The following PSG7 variants were observed in gnomAD, a reference collection of about 807,000 sequenced individuals.
PSG7 encodes the protein pregnancy-specific beta-1-glycoprotein 7.
Under a neutral mutation model 45.6 loss-of-function variants are expected in PSG7, and 57 were observed. That is an observed-to-expected ratio of 1.25 (90% CI 1.01 to 1.56). The LOEUF (loss-of-function observed/expected upper bound fraction) is 1.56. Ranked by LOEUF, PSG7 falls within the 40% of genes most tolerant of loss-of-function variation. The pLI is 0.00. For missense variants in PSG7, 796 were observed against 508.4 expected, an observed-to-expected ratio of 1.57 and a Z score of -5.44; for synonymous variants, 298 against 194.4, an observed-to-expected ratio of 1.53 and a Z score of -4.43.
intron 3 of PSG7, 122 bp from the exon 4 acceptor site, chr19:42,926,838 C>A (rs1972904935): frequency 6.7e-7 from 1 of 1,490,708 alleles, no homozygotes; most frequent in African/African-American, 1.4e-5. Context: ...AAGCCAATAG[C>A]TGGTGTGTGT....
Position 42,935,164 on chromosome 19 carries a change from C to A in PSG7, c.430+240G>T, listed in dbSNP as rs543932546. Among the ~76,000 whole-genome samples the A allele has an allele frequency of 1.3e-4, 20 of 151,976 alleles. 1 individual carries two copies. The highest frequency in any genetic ancestry group is 4.2e-4 in the South Asian group (2 of 4,790). ...TGAGACTGATCTCCTCCTGCTGAGT[C>A]CCCCCATCAGACTGTCCTTCCTCTG... is the stretch of plus-strand genomic sequence containing the variant. On this transcript the variant is annotated intron_variant, in intron 2 of 5. Coordinates refer to ENST00000406070, the MANE Select transcript of PSG7 (RefSeq NM_002783.3).
intron 2 of PSG7, among the ~76,000 whole-genome samples, chr19:42,933,702 A>G (rs1301137154): frequency 6.6e-6 from 1 of 150,936 alleles, no homozygotes; most frequent in Admixed American, 6.6e-5. Flanking sequence ...TGGGAGGAAG[A>G]TGAGGGACAC....
rs373877960 is a variant in PSG7 at position 42,925,961 on chromosome 19, A to C, written c.1055T>G (p.Leu352Trp). 7.5e-5 allele frequency: 121 copies of C among 1,612,128 alleles called. 6 individuals are homozygous for C. The African/African-American group carries it at 1.3e-3, about 17-fold the overall frequency. Residue 352 changes from leucine (L) to tryptophan (W), a missense_variant, in exon 5 of 6, where the codon TTG (leucine) becomes TGG (tryptophan). Coordinates refer to ENST00000406070, the MANE Select transcript of PSG7 (RefSeq NM_002783.3). ...TYYHSGQNLY[L>W]SCFADSNPPA... The stretch of plus-strand genomic sequence containing the variant: ...TGGGTTAGAGTCCGCAAAGCAGGAC[A>C]AGTAGAGGTTTTGTCCTGAATGGTA...
At chr19:42,933,283 ATATATATATATATATATATATATATT>A (rs1973063792) in intron 2 of PSG7, among the ~76,000 whole-genome samples, 2 of 6,746 alleles carry the variant, frequency 3.0e-4, no homozygotes, top group Non-Finnish European at 6.8e-4. Flanking sequence ...ATATATATAT[ATATATATATATATATATATATATATT>A]TTTTTTTTTT....
At position 42,936,518 on chromosome 19, in the gene PSG7, G is replaced by A. The variant is rs760859358; in HGVS notation, c.64+495C>T. 21 of 161,118 alleles carry A rather than the reference G, an allele frequency of 1.3e-4. 2 individuals are homozygous for A. The highest frequency in any genetic ancestry group is 2.4e-4 in the Non-Finnish European group (18 of 74,110). 10.0% of individuals were successfully genotyped at this position (161,118 alleles called of 1,614,324 possible). A position where few individuals can be genotyped will look rare whatever the true frequency, so the allele number is the denominator to read the frequency against. ...CCCCTGAGGATTAATCAGAAAAACA[G>A]AACACTTAAGATTTTCCTACCTCTT... On this transcript the variant is annotated intron_variant, in intron 1 of 5. Coordinates refer to ENST00000406070, the MANE Select transcript of PSG7 (RefSeq NM_002783.3).
Position 42,924,404 on chromosome 19 carries a change from A to G in PSG7, c.*404T>C. ...TGTTATGTAAAAGTCTGAGGTTGAGATGACATATCTGACACTCTGTTGTTA... is the reference window on the plus strand; with the variant it reads ...TGTTATGTAAAAGTCTGAGGTTGAGGTGACATATCTGACACTCTGTTGTTA... On this transcript the variant is annotated 3_prime_UTR_variant, in exon 6 of 6. Transcript: ENST00000406070. 2 of 451,356 alleles carry G rather than the reference A, an allele frequency of 4.4e-6. No homozygotes were observed. The highest frequency in any genetic ancestry group is 7.7e-6 in the Non-Finnish European group (2 of 259,070). 28.0% of individuals were successfully genotyped at this position (451,356 alleles called of 1,614,324 possible).
chr19:42,933,998 T>C (rs1973092443), intron 2 of PSG7, among the ~76,000 whole-genome samples: 1 of 151,508 alleles, frequency 6.6e-6, no homozygotes. Context: ...AAAGAGGTTT[T>C]GGATCAGTCA....
chr19:42,926,460 G>T lies in PSG7; in HGVS notation c.966C>A (p.Asp322Glu). The change falls in exon 4 of 6, where the codon GAC becomes GAA. Residue 322 changes from aspartate (D) to glutamate (E), a missense_variant. By Grantham distance (45) the Asp-to-Glu change is conservative. Coordinates refer to ENST00000406070, the MANE Select transcript of PSG7 (RefSeq NM_002783.3). ...CACAGAGGACATTCAGGGTGACTGG[G>T]TCACTGCGGATGCCACCATATCGGT... Reference protein sequence around the residue: ...IRDRYGGIRSDPVTLNVLYGP... With the variant: ...IRDRYGGIRSEPVTLNVLYGP... 3.7e-6 allele frequency: 6 copies of T among 1,611,716 alleles called. No individual in the cohort carries two copies. The highest frequency in any genetic ancestry group is 5.1e-6 in the Non-Finnish European group (6 of 1,178,990).
chr19:42,933,289 ATATATATATATATATATATTT>A lies in PSG7; in HGVS notation c.430+2094_430+2114del, dbSNP rs1382710041. On this transcript the variant is annotated intron_variant, in intron 2 of 5. Transcript: ENST00000406070. ...TCAATATATATATATATATATATAT[ATATATATATATATATATATTT>A]TTTTTTTTTTTTGGTGTATGTATGT... 9.0e-4 allele frequency among the ~76,000 whole-genome samples: 8 copies of A among 8,900 alleles called. 1 individual carries two copies. Among genetic ancestry groups the A allele is most frequent in the East Asian group, 0.01 (2 of 198 alleles). 5.8% of individuals were successfully genotyped at this position (8,900 alleles called of 152,430 possible). A position where few individuals can be genotyped will look rare whatever the true frequency, so the allele number is the denominator to read the frequency against.
At chr19:42,932,902 G>C (rs1019993077) in intron 2 of PSG7, among the ~76,000 whole-genome samples, 62 of 151,078 alleles carry the variant, frequency 4.1e-4, no homozygotes, top group African/African-American at 1.5e-3. Flanking sequence ...GTAACTAATT[G>C]CTCCTATAGA....
At position 42,937,097 on chromosome 19, in the gene PSG7, T is replaced by A; in HGVS notation, c.-21A>T. On this transcript the variant is annotated 5_prime_UTR_variant, in exon 1 of 6. Coordinates refer to ENST00000406070, the MANE Select transcript of PSG7 (RefSeq NM_002783.3). ...CCCATGGTCTCTGCTCCCTGCGTGTTCTCCTCTGTGGAGATGAGCCTAGGA... is the reference window on the plus strand; with the variant it reads ...CCCATGGTCTCTGCTCCCTGCGTGTACTCCTCTGTGGAGATGAGCCTAGGA... 2 of 1,609,042 alleles carry A rather than the reference T, an allele frequency of 1.2e-6. No individual in the cohort carries two copies. Among genetic ancestry groups the A allele is most frequent in the Non-Finnish European group, 8.5e-7 (1 of 1,176,926 alleles).
chr19:42,930,465 C>G (rs553413550), intron 2 of PSG7, among the ~76,000 whole-genome samples: 3 of 151,654 alleles, frequency 2.0e-5, no homozygotes, highest in Non-Finnish European at 4.4e-5. Context: ...CATGATGCTC[C>G]CTTTCCCCTG....
Position 42,935,579 on chromosome 19 carries a change from G to A in PSG7, c.255C>T (p.Asp85=), listed in dbSNP as rs140238439. ...LYHYVTSYIV[D]GQIIKYGPAY... ...CAGGCCCATATTTAATTATTTGACC[G>A]TCTACTATATATGATGTAACATAAT... The change falls in exon 2 of 6, where the codon GAC becomes GAT. Residue 85 remains aspartate, a synonymous_variant. Coordinates refer to ENST00000406070, the MANE Select transcript of PSG7 (RefSeq NM_002783.3). The A allele has an allele frequency of 3.1e-4, 502 of 1,611,830 alleles. 20 individuals carry two copies. In the East Asian group the frequency reaches 7.3e-3, roughly 23 times the overall value.
chr19:42,935,747 G>A lies in PSG7; in HGVS notation c.87C>T (p.Asn29=), dbSNP rs537303361. ...TCGTGACTTGGGCTGTGGTGGGCGG[G>A]TTCCAGAAGTTTAAAAGTGATGCTA... ...LLTASLLNFW[N]PPTTAQVTIE... The change falls in exon 2 of 6, where the codon AAC becomes AAT. Residue 29 remains asparagine, a synonymous_variant. Coordinates refer to ENST00000406070, the MANE Select transcript of PSG7 (RefSeq NM_002783.3). 19 of 1,610,810 alleles carry A rather than the reference G, an allele frequency of 1.2e-5. No individual in the cohort carries two copies. Among genetic ancestry groups the A allele is most frequent in the Middle Eastern group, 3.3e-4 (2 of 6,048 alleles).
At chr19:42,933,285 A>ATG (rs1973064569) in intron 2 of PSG7, among the ~76,000 whole-genome samples, 1 of 8,226 alleles carries the variant, frequency 1.2e-4, no homozygotes, top group Non-Finnish European at 2.9e-4. Flanking sequence ...ATATATATAT[A>ATG]TATATATATA....
At chr19:42,926,906 A>C in intron 3 of PSG7, 190 bp from the exon 4 acceptor site, 1 of 1,119,932 alleles carries the variant, frequency 8.9e-7, no homozygotes, top group South Asian at 1.6e-5. Flanking sequence ...CCACCTGCTC[A>C]GTCTTAGGGA....
rs1010810751 is a variant in PSG7 at position 42,924,416 on chromosome 19, A to G, written c.*392T>C. The G allele has an allele frequency of 2.2e-6, 1 of 464,624 alleles. No homozygotes were observed. Among genetic ancestry groups the G allele is most frequent in the African/African-American group, 2.0e-5 (1 of 51,060 alleles). The allele number at this position is 464,624 out of a possible 1,614,324, so 28.8% of individuals were successfully genotyped here. ...GTCTGAGGTTGAGATGACATATCTG[A>G]CACTCTGTTGTTACCCTCAGAAGCT... is the stretch of plus-strand genomic sequence containing the variant. On this transcript the variant is annotated 3_prime_UTR_variant, in exon 6 of 6. Transcript: ENST00000406070.
In PSG7 at chr19:42,932,982, C is replaced by T. The variant is rs184864611; in HGVS notation, c.430+2422G>A. Among the ~76,000 whole-genome samples the T allele has an allele frequency of 5.7e-4, 86 of 150,488 alleles. 3 individuals are homozygous for T. In the East Asian group the frequency reaches 0.013, roughly 23 times the overall value. The stretch of plus-strand genomic sequence containing the variant: ...TCTCATTCTTTTGCATTCTGGCAAC[C>T]GGCTGACCTCATCTATACCTATGAC... On this transcript the variant is annotated intron_variant, in intron 2 of 5. Transcript: ENST00000406070.
intron 1 of PSG7, chr19:42,936,484 A>G: frequency 6.4e-6 from 1 of 155,436 alleles, no homozygotes; most frequent in East Asian, 1.9e-4. Flanking sequence ...ATTTTTCAAA[A>G]TGTGGTGACC....
Sources: allele counts gnomAD v4.1 joint callset (sites outside exome capture counted in the v4.1 genomes callset), GRCh38; gene constraint gnomAD v4.1.1; transcripts MANE v1.5; gene names NCBI Gene and HGNC (gene_info 2026-07-23, HGNC 2026-07-21).